Variants in PHACTR3 observed in about 807,000 individuals in gnomAD.
The protein encoded by PHACTR3 is protein phosphatase 1, regulatory subunit 123.
In PHACTR3, 16 loss-of-function variants were observed where a neutral mutation model predicts 66.8. The observed-to-expected ratio is 0.24, with a 90% CI of 0.16 to 0.36. The LOEUF (loss-of-function observed/expected upper bound fraction) is 0.36, where lower values mean the gene tolerates loss of function less well. Ranked by LOEUF, PHACTR3 falls within the 10% of genes least tolerant of loss-of-function variation. The probability of loss-of-function intolerance (pLI) is 1.00; values close to 1 mark genes in which losing one functional copy is unlikely to be tolerated. For synonymous variants in PHACTR3, 323 were observed against 292.1 expected, an observed-to-expected ratio of 1.11 and a Z score of -1.08; for missense variants, 647 against 719.9, an observed-to-expected ratio of 0.90 and a Z score of 1.16.
At chr20:59,756,249 C>A (rs1432559054) in intron 4 of PHACTR3, among the ~76,000 whole-genome samples, 1 of 152,186 alleles carries the variant, frequency 6.6e-6, no homozygotes, top group Non-Finnish European at 1.5e-5. Context: ...GACTTGGAAT[C>A]CTGATGTCTC....
chr20:59,638,715 T>TGGAC (rs1568951535), intron 1 of PHACTR3, among the ~76,000 whole-genome samples: 1 of 123,644 alleles, frequency 8.1e-6, no homozygotes, highest in African/African-American at 3.1e-5. Flanking sequence ...GATGGGTGGG[T>TGGAC]GGATGGATGG....
intron 8 of PHACTR3, among the ~76,000 whole-genome samples, chr20:59,825,485 C>T (rs769598609): frequency 2.0e-5 from 3 of 152,216 alleles, no homozygotes; most frequent in South Asian, 4.1e-4. Context: ...TCACTTATCA[C>T]GGACCAGGCT....
At position 59,605,065 on chromosome 20, in the gene PHACTR3, G is replaced by T. The variant is rs1568928331; in HGVS notation, c.51G>T (p.Ser17=). 2.1e-6 allele frequency: 3 copies of T among 1,413,212 alleles called. No homozygotes were observed. Among genetic ancestry groups the T allele is most frequent in the Non-Finnish European group, 2.8e-6 (3 of 1,077,748 alleles). The allele number at this position is 1,413,212 out of a possible 1,614,324, so 87.5% of individuals were successfully genotyped here. ...GCTGCCTCGTGTCGCGGGGCCGCTC[G>T]CAGAGTGACCCCAGCGTCCTCACCG... ...GSGCLVSRGR[S]QSDPSVLTDS... Residue 17 remains serine (S), a synonymous_variant, in exon 1 of 13, where the codon TCG becomes TCT. Transcript: ENST00000371015.
chr20:59,821,975 G>GCAATCCCACCCCTTCCC, intron 8 of PHACTR3, among the ~76,000 whole-genome samples: 1 of 56,548 alleles, frequency 1.8e-5, no homozygotes, highest in African/African-American at 1.1e-4. Context: ...TACCCTTTCT[G>GCAATCCCACCCCTTCCC]CAGCGATCCC....
chr20:59,604,930 A>T lies in PHACTR3; in HGVS notation c.-85A>T, dbSNP rs1600896895. ...TCTTTTTTAAAAAGACGCCCCCTCC[A>T]GCCCCCTCGCCGGTGACCTTGGCCG... On this transcript the variant is annotated 5_prime_UTR_variant, in exon 1 of 13. Transcript: ENST00000371015. 9 of 1,092,004 alleles carry T rather than the reference A, an allele frequency of 8.2e-6. No homozygotes were observed. The highest frequency in any genetic ancestry group is 8.8e-6 in the Non-Finnish European group (8 of 911,234). 67.6% of individuals were successfully genotyped at this position (1,092,004 alleles called of 1,614,324 possible). A position where few individuals can be genotyped will look rare whatever the true frequency, so the allele number is the denominator to read the frequency against.
At chr20:59,769,898 C>G (rs1016513342) in intron 5 of PHACTR3, among the ~76,000 whole-genome samples, 1 of 152,238 alleles carries the variant, frequency 6.6e-6, no homozygotes, top group African/African-American at 2.4e-5. Context: ...CAAAACTGTG[C>G]TACTTTGCAT....
At chr20:59,707,670 G>T (rs758414853) in intron 1 of PHACTR3, among the ~76,000 whole-genome samples, 2 of 151,926 alleles carry the variant, frequency 1.3e-5, no homozygotes, top group Non-Finnish European at 2.9e-5. Context: ...TCACTATGTT[G>T]CCCAGGCTGG....
At chr20:59,608,292 ACCT>A (rs1428429281) in intron 1 of PHACTR3, among the ~76,000 whole-genome samples, 1 of 151,422 alleles carries the variant, frequency 6.6e-6, no homozygotes, top group African/African-American at 2.4e-5. Context: ...CCTAGGCCTG[ACCT>A]TCCCGCCACT....
chr20:59,760,591 C>T (rs2039963148), intron 4 of PHACTR3, among the ~76,000 whole-genome samples: 2 of 152,190 alleles, frequency 1.3e-5, no homozygotes, highest in Non-Finnish European at 2.9e-5. Context: ...GTTTCGCCTT[C>T]CGCCATGATT....
intron 1 of PHACTR3, among the ~76,000 whole-genome samples, chr20:59,587,483 G>A (rs2033067088): frequency 1.3e-5 from 2 of 152,222 alleles, no homozygotes; most frequent in Non-Finnish European, 2.9e-5. Flanking sequence ...TCACAGGAGA[G>A]ATGTCTATTG....
At chr20:59,725,575 G>A (rs2038532968) in intron 1 of PHACTR3, among the ~76,000 whole-genome samples, 2 of 152,198 alleles carry the variant, frequency 1.3e-5, no homozygotes, top group Non-Finnish European at 2.9e-5. Flanking sequence ...TTTTGGGGAG[G>A]TGACCCTGGA....
chr20:59,814,675 A>G (rs984382581), intron 8 of PHACTR3, among the ~76,000 whole-genome samples: 1 of 152,078 alleles, frequency 6.6e-6, no homozygotes, highest in Non-Finnish European at 1.5e-5. Context: ...AGTTTCACAC[A>G]CTTGGACAGA....
At chr20:59,582,044 A>T (rs1448208871) in intron 1 of PHACTR3, among the ~76,000 whole-genome samples, 3 of 152,224 alleles carry the variant, frequency 2.0e-5, no homozygotes, top group Non-Finnish European at 4.4e-5. Context: ...TATGTCATGA[A>T]TACATCCTCC....
chr20:59,594,858 A>G (rs145204499), intron 1 of PHACTR3, among the ~76,000 whole-genome samples: 169 of 152,190 alleles, frequency 1.1e-3, no homozygotes, highest in African/African-American at 3.9e-3. Flanking sequence ...TTCTTTTTCT[A>G]GTTTACTAAG....
chr20:59,743,043 G>A, intron 1 of PHACTR3, 64 bp from the exon 2 acceptor site: 1 of 1,551,370 alleles, frequency 6.4e-7, no homozygotes, highest in Non-Finnish European at 8.8e-7. Context: ...TCATCACCTT[G>A]GGCCCCCAGG....
At chr20:59,652,885 AAG>A (rs1320941569) in intron 1 of PHACTR3, among the ~76,000 whole-genome samples, 1 of 152,190 alleles carries the variant, frequency 6.6e-6, no homozygotes, top group Non-Finnish European at 1.5e-5. Context: ...TCATGTAAAA[AAG>A]AGATGTGTTC....
At chr20:59,717,120 A>C (rs1031838941) in intron 1 of PHACTR3, among the ~76,000 whole-genome samples, 6 of 152,220 alleles carry the variant, frequency 3.9e-5, no homozygotes, top group African/African-American at 9.6e-5. Flanking sequence ...TTATTCCTAC[A>C]TTCATTTTGT....
At chr20:59,767,778 T>C (rs750259269) in intron 5 of PHACTR3, among the ~76,000 whole-genome samples, 6 of 152,056 alleles carry the variant, frequency 3.9e-5, no homozygotes, top group Non-Finnish European at 8.8e-5. Context: ...GGCTTGGCTT[T>C]TCTTTTTCTT....
chr20:59,592,511 C>T (rs1440156424), intron 1 of PHACTR3, among the ~76,000 whole-genome samples: 1 of 152,212 alleles, frequency 6.6e-6, no homozygotes, highest in Non-Finnish European at 1.5e-5. Context: ...TACATTCACT[C>T]ATTCTTTAGA....
Sources: allele counts gnomAD v4.1 joint callset (sites outside exome capture counted in the v4.1 genomes callset), GRCh38; gene constraint gnomAD v4.1.1; transcripts MANE v1.5; gene names NCBI Gene and HGNC (gene_info 2026-07-23, HGNC 2026-07-21).